The following BRINP3 variants were observed in gnomAD, a reference collection of about 807,000 sequenced individuals.
The protein encoded by BRINP3 is BMP/retinoic acid inducible neural specific 3, also known as BMP/retinoic acid-inducible neural-specific protein 3.
In BRINP3, 19 loss-of-function variants were observed where a neutral mutation model predicts 71.0. The observed-to-expected ratio is 0.27, with a 90% CI of 0.19 to 0.39. The LOEUF (loss-of-function observed/expected upper bound fraction) is 0.39. BRINP3 is among the 10% of genes least tolerant of loss of function. The pLI is 1.00. For synonymous variants in BRINP3, 380 were observed against 337.7 expected, an observed-to-expected ratio of 1.13 and a Z score of -1.37; for missense variants, 959 against 940.8, an observed-to-expected ratio of 1.02 and a Z score of -0.25.
At chr1:190,278,321 A>G (rs753703521) in intron 3 of BRINP3, among the ~76,000 whole-genome samples, 6 of 151,548 alleles carry the variant, frequency 4.0e-5, no homozygotes, top group Middle Eastern at 3.2e-3. Context: ...GTCTTCATTA[A>G]TTAAGAGAAA....
intron 2 of BRINP3, among the ~76,000 whole-genome samples, chr1:190,356,466 A>C (rs921905567): frequency 1.3e-5 from 2 of 151,984 alleles, no homozygotes; most frequent in Non-Finnish European, 2.9e-5. Context: ...CAAACGTATT[A>C]ATTTCCTATT....
chr1:190,115,030 T>G (rs1438266639), intron 7 of BRINP3, among the ~76,000 whole-genome samples: 1 of 152,222 alleles, frequency 6.6e-6, no homozygotes, highest in African/African-American at 2.4e-5. Flanking sequence ...TCTTGTTGCA[T>G]TTATTTTTCA....
At chr1:190,200,524 G>A (rs1654910118) in intron 6 of BRINP3, among the ~76,000 whole-genome samples, 1 of 151,996 alleles carries the variant, frequency 6.6e-6, no homozygotes, top group African/African-American at 2.4e-5. Flanking sequence ...ATGAGACTTA[G>A]GAAATTAAAC....
At chr1:190,398,040 G>A (rs1671689974) in intron 2 of BRINP3, among the ~76,000 whole-genome samples, 1 of 151,928 alleles carries the variant, frequency 6.6e-6, no homozygotes, top group Admixed American at 6.6e-5. Context: ...GGAAGTATGT[G>A]TTCTTTTAAG....
intron 2 of BRINP3, among the ~76,000 whole-genome samples, chr1:190,407,886 C>G (rs2102393176): frequency 6.6e-6 from 1 of 152,194 alleles, no homozygotes; most frequent in East Asian, 1.9e-4. Flanking sequence ...AATTTCCAAA[C>G]TAATTTGAAA....
At chr1:190,404,503 A>C (rs1222281187) in intron 2 of BRINP3, among the ~76,000 whole-genome samples, 1 of 152,162 alleles carries the variant, frequency 6.6e-6, no homozygotes, top group East Asian at 1.9e-4. Context: ...TGAACTCCTA[A>C]AAGTGTTTTA....
intron 7 of BRINP3, among the ~76,000 whole-genome samples, chr1:190,128,492 T>A (rs16832059): frequency 0.14 from 21,594 of 151,692 alleles, 2,621 homozygotes; most frequent in African/African-American, 0.29. Context: ...TGGACATGAG[T>A]TGGTTGATGA....
intron 2 of BRINP3, among the ~76,000 whole-genome samples, chr1:190,306,320 C>A (rs1665095631): frequency 6.6e-6 from 1 of 151,626 alleles, no homozygotes; most frequent in African/African-American, 2.4e-5. Flanking sequence ...TGTGAGCTGG[C>A]ACTGTGGTTG....
At chr1:190,473,464 A>C (rs1461615578) in intron 1 of BRINP3, among the ~76,000 whole-genome samples, 1 of 151,964 alleles carries the variant, frequency 6.6e-6, no homozygotes, top group Non-Finnish European at 1.5e-5. Flanking sequence ...TAATTTAAAT[A>C]ATACAATTTC....
intron 6 of BRINP3, among the ~76,000 whole-genome samples, chr1:190,219,434 C>A (rs963751188): frequency 6.6e-6 from 1 of 151,976 alleles, no homozygotes; most frequent in African/African-American, 2.4e-5. Context: ...AAACAGAAAT[C>A]ATGGAATAGA....
chr1:190,367,528 G>C (rs188088200), intron 2 of BRINP3, among the ~76,000 whole-genome samples: 2 of 152,296 alleles, frequency 1.3e-5, no homozygotes, highest in East Asian at 1.9e-4. Context: ...ATTCAGCTCC[G>C]TGTTACTTAC....
chr1:190,112,477 G>C (rs939715155), intron 7 of BRINP3, among the ~76,000 whole-genome samples: 3 of 152,130 alleles, frequency 2.0e-5, no homozygotes, highest in Non-Finnish European at 2.9e-5. Flanking sequence ...CACCACAGGA[G>C]GCAAGTAGTA....
At chr1:190,193,954 G>A (rs192305928) in intron 6 of BRINP3, among the ~76,000 whole-genome samples, 25 of 151,874 alleles carry the variant, frequency 1.6e-4, no homozygotes, top group Admixed American at 1.3e-3. Context: ...ATTATCCTCC[G>A]GTATTTTCCA....
intron 2 of BRINP3, among the ~76,000 whole-genome samples, chr1:190,331,699 A>C (rs1036540161): frequency 4.6e-5 from 7 of 152,064 alleles, no homozygotes; most frequent in African/African-American, 1.4e-4. Context: ...ACATCAGAGC[A>C]AACATAAATA....
intron 7 of BRINP3, among the ~76,000 whole-genome samples, chr1:190,112,416 A>C (rs1187314725): frequency 6.6e-6 from 1 of 152,188 alleles, no homozygotes; most frequent in Non-Finnish European, 1.5e-5. Context: ...ATGAGACTGA[A>C]ATCACTGAAT....
intron 5 of BRINP3, among the ~76,000 whole-genome samples, chr1:190,229,477 T>C (rs1657731035): frequency 6.6e-6 from 1 of 151,838 alleles, no homozygotes; most frequent in African/African-American, 2.4e-5. Context: ...TATGTCTTTA[T>C]TAGCAGCATA....
intron 3 of BRINP3, among the ~76,000 whole-genome samples, chr1:190,276,915 G>A (rs1159131673): frequency 1.3e-5 from 2 of 149,836 alleles, no homozygotes; most frequent in Non-Finnish European, 3.0e-5. Flanking sequence ...AAAGTATATT[G>A]TAACTATTTC....
At chr1:190,251,471 A>G (rs1413276543) in intron 4 of BRINP3, among the ~76,000 whole-genome samples, 1 of 151,912 alleles carries the variant, frequency 6.6e-6, no homozygotes, top group Non-Finnish European at 1.5e-5. Context: ...TTGGGACACC[A>G]ACCTAGGGCC....
At chr1:190,200,973 T>C (rs1274533407) in intron 6 of BRINP3, among the ~76,000 whole-genome samples, 3 of 152,156 alleles carry the variant, frequency 2.0e-5, no homozygotes, top group South Asian at 4.1e-4. Flanking sequence ...AAACAGTAAA[T>C]TGGTACCAGT....
Sources: allele counts gnomAD v4.1 joint callset (sites outside exome capture counted in the v4.1 genomes callset), GRCh38; gene constraint gnomAD v4.1.1; transcripts MANE v1.5; gene names NCBI Gene and HGNC (gene_info 2026-07-23, HGNC 2026-07-21).